Variants in NSRP1 observed in about 807,000 individuals in gnomAD.
NSRP1 encodes nuclear speckle splicing regulatory protein 1.
Under a neutral mutation model 54.7 loss-of-function variants are expected in NSRP1, and 24 were observed. The observed-to-expected ratio is 0.44, with a 90% confidence interval of 0.32 to 0.62. NSRP1 has a LOEUF of 0.62. NSRP1 is among the 20% of genes least tolerant of loss of function. NSRP1 has a pLI of 0.06. For missense variants in NSRP1, 596 were observed against 651.2 expected, an observed-to-expected ratio of 0.92 and a Z score of 0.92; for synonymous variants, 210 against 213.8, an observed-to-expected ratio of 0.98 and a Z score of 0.15.
At chr17:30,169,001 T>A (rs544657950) in intron 2 of NSRP1, 4 of 152,190 alleles carry the variant, frequency 2.6e-5, no homozygotes, top group African/African-American at 9.6e-5. Flanking sequence ...GTAAAACTAT[T>A]GCACTCCTTC....
At chr17:30,152,688 G>T (rs1359823747) in intron 2 of NSRP1, among the ~76,000 whole-genome samples, 1 of 151,592 alleles carries the variant, frequency 6.6e-6, no homozygotes, top group African/African-American at 2.4e-5. Context: ...CCTTTGAATT[G>T]TCTTGGTGTT....
rs528894560 is a variant in NSRP1, at chr17:30,174,757, T to C, written c.171+2159T>C. Among the ~76,000 whole-genome samples, 11 of 152,360 alleles carry C rather than the reference T, an allele frequency of 7.2e-5. No homozygotes were observed. The East Asian group carries it at 1.3e-3, about 19-fold the overall frequency. On this transcript the variant is annotated intron_variant, in intron 3 of 6. Coordinates refer to ENST00000247026, the MANE Select transcript of NSRP1 (RefSeq NM_032141.4). Reference sequence around the variant, plus strand: ...GACCATGTTGGTTTTATACCAATAATGTAAAGTCAGCTTAACTTTAGAAAA... The same window carrying C: ...GACCATGTTGGTTTTATACCAATAACGTAAAGTCAGCTTAACTTTAGAAAA...
chr17:30,119,718 G>C (rs1349419145), intron 2 of NSRP1, among the ~76,000 whole-genome samples: 3 of 151,722 alleles, frequency 2.0e-5, no homozygotes, highest in Non-Finnish European at 4.4e-5. Flanking sequence ...GATCAGGCTG[G>C]TCTCGAACTC....
chr17:30,141,013 G>T (rs2071800335), intron 2 of NSRP1, among the ~76,000 whole-genome samples: 1 of 152,100 alleles, frequency 6.6e-6, no homozygotes, highest in Non-Finnish European at 1.5e-5. Context: ...TAGAGATGAG[G>T]TCTTGCTGTG....
rs1292125226 is a variant in NSRP1, at chr17:30,185,314, A to G, written c.1317A>G (p.Lys439=). The stretch of plus-strand genomic sequence containing the variant: ...ATGATAAATACAGAGATAGAGAAAA[A>G]CGAGAGGTAGGTGTTCAGTCTTCAG... ...ENNDKYRDRE[K]REVGVQSSER... The change falls in exon 7 of 7, where the codon AAA becomes AAG. Residue 439 remains lysine, a synonymous_variant. Transcript: ENST00000247026. 1.2e-6 allele frequency: 2 copies of G among 1,605,818 alleles called. No individual in the cohort carries two copies. Among genetic ancestry groups the G allele is most frequent in the East Asian group, 2.2e-5 (1 of 44,856 alleles).
chr17:30,133,270 A>C (rs1198196675), intron 2 of NSRP1, among the ~76,000 whole-genome samples: 2 of 152,036 alleles, frequency 1.3e-5, no homozygotes, highest in Non-Finnish European at 2.9e-5. Flanking sequence ...GTATTTCTTA[A>C]ATAAGCCTTG....
chr17:30,117,225 T>C, intron 1 of NSRP1: 1 of 624,404 alleles, frequency 1.6e-6, no homozygotes. Flanking sequence ...GAGAGACAGT[T>C]CCTGGCTTCC....
rs1291573190 is a variant in NSRP1, at chr17:30,177,111, G to A, written c.172-960G>A. Reference sequence around the variant, plus strand: ...ATGCCTGGCATGGTGGCTCACGCATGTAATTCCAGCACTTTGGGGGGCGCT... The same window carrying A: ...ATGCCTGGCATGGTGGCTCACGCATATAATTCCAGCACTTTGGGGGGCGCT... On this transcript the variant is annotated intron_variant, in intron 3 of 6. Coordinates refer to ENST00000247026, the MANE Select transcript of NSRP1 (RefSeq NM_032141.4). 2.6e-5 allele frequency among the ~76,000 whole-genome samples: 4 copies of A among 152,282 alleles called. No individual in the cohort carries two copies. In the South Asian group the frequency reaches 8.3e-4, roughly 32 times the overall value.
intron 2 of NSRP1, among the ~76,000 whole-genome samples, chr17:30,152,843 A>G (rs1355539833): frequency 6.7e-6 from 1 of 148,878 alleles, no homozygotes; most frequent in African/African-American, 2.5e-5. Context: ...TTTTATAATT[A>G]CTATCAAGCT....
chr17:30,147,961 G>C (rs1307729017), intron 2 of NSRP1, among the ~76,000 whole-genome samples: 1 of 151,972 alleles, frequency 6.6e-6, no homozygotes, highest in South Asian at 2.1e-4. Flanking sequence ...GCAGGCATGT[G>C]CTACCATGCC....
chr17:30,139,568 G>A (rs776106918), intron 2 of NSRP1, among the ~76,000 whole-genome samples: 9 of 151,518 alleles, frequency 5.9e-5, no homozygotes, highest in Non-Finnish European at 1.2e-4. Flanking sequence ...CTATTAAGTC[G>A]CATTGGCCTG....
intron 2 of NSRP1, among the ~76,000 whole-genome samples, chr17:30,147,395 G>C (rs1040645719): frequency 6.6e-6 from 1 of 152,054 alleles, no homozygotes; most frequent in East Asian, 1.9e-4. Flanking sequence ...CTCCTAAAGT[G>C]CTGGGATTAC....
intron 2 of NSRP1, among the ~76,000 whole-genome samples, chr17:30,128,873 A>G (rs1272300155): frequency 1.3e-5 from 2 of 151,936 alleles, no homozygotes; most frequent in African/African-American, 4.8e-5. Context: ...AGCATTTCAT[A>G]TTAATGGTAG....
chr17:30,184,734 C>G lies in NSRP1; in HGVS notation c.737C>G (p.Ala246Gly), dbSNP rs777217408. The change falls in exon 7 of 7, where the codon GCA becomes GGA. Residue 246 changes from alanine (A) to glycine (G), a missense_variant. Coordinates refer to ENST00000247026, the MANE Select transcript of NSRP1 (RefSeq NM_032141.4). Reference sequence around the variant, plus strand: ...GTGAAAGTAGAGGAAAACCCAGATGCAGACAGTGACTTCGATGCTAAGAGC... The same window carrying G: ...GTGAAAGTAGAGGAAAACCCAGATGGAGACAGTGACTTCGATGCTAAGAGC... Reference protein sequence around the residue: ...TDVKVEENPDADSDFDAKSSA... With the variant: ...TDVKVEENPDGDSDFDAKSSA... 5.6e-6 allele frequency: 9 copies of G among 1,613,900 alleles called. No homozygotes were observed. The East Asian group carries it at 1.8e-4, about 32-fold the overall frequency.
At chr17:30,147,625 G>A (rs953381482) in intron 2 of NSRP1, among the ~76,000 whole-genome samples, 6 of 150,990 alleles carry the variant, frequency 4.0e-5, no homozygotes, top group Admixed American at 2.0e-4. Flanking sequence ...CACCACGCCC[G>A]GCTAATTTTT....
chr17:30,177,580 C>G (rs921841742), intron 3 of NSRP1, among the ~76,000 whole-genome samples: 5 of 152,030 alleles, frequency 3.3e-5, no homozygotes, highest in Admixed American at 6.6e-5. Flanking sequence ...AAGGCAGAGA[C>G]TTTATGTTTA....
chr17:30,158,423 TCTG>T (rs1904392627), intron 2 of NSRP1, among the ~76,000 whole-genome samples: 2 of 152,196 alleles, frequency 1.3e-5, no homozygotes, highest in South Asian at 4.1e-4. Context: ...GGTTGTCTCT[TCTG>T]CTGAGGGTTT....
At chr17:30,163,825 GGC>G (rs887311698) in intron 2 of NSRP1, among the ~76,000 whole-genome samples, 1 of 151,826 alleles carries the variant, frequency 6.6e-6, no homozygotes, top group African/African-American at 2.4e-5. Context: ...TGGGACTACA[GGC>G]GCGCGCCACC....
At position 30,185,777 on chromosome 17, in the gene NSRP1, C is replaced by T. The variant is rs1339269596; in HGVS notation, c.*103C>T. The T allele has an allele frequency of 7.9e-7, 1 of 1,269,598 alleles. No homozygotes were observed. Among genetic ancestry groups the T allele is most frequent in the Non-Finnish European group, 1.1e-6 (1 of 937,962 alleles). 78.6% of individuals were successfully genotyped at this position (1,269,598 alleles called of 1,614,324 possible). On this transcript the variant is annotated 3_prime_UTR_variant, in exon 7 of 7. Coordinates refer to ENST00000247026, the MANE Select transcript of NSRP1 (RefSeq NM_032141.4). ...AGTGTGTTACCAGTAGTTTGGAGGG[C>T]ATTTTTAAATTTATTTTCAAAATTT...
Sources: allele counts gnomAD v4.1 joint callset (sites outside exome capture counted in the v4.1 genomes callset), GRCh38; gene constraint gnomAD v4.1.1; transcripts MANE v1.5; gene names NCBI Gene and HGNC (gene_info 2026-07-23, HGNC 2026-07-21).